TSHZ3: variants seen among roughly 807,000 people sequenced by gnomAD.
The protein encoded by TSHZ3 is teashirt homolog 3.
TSHZ3 carries 10 observed loss-of-function variants against 64.5 expected under a neutral mutation model. The ratio of observed to expected loss-of-function variants is 0.16; its 90% CI spans 0.10 to 0.26. The LOEUF is 0.26. TSHZ3 is among the 10% of genes least tolerant of loss of function. TSHZ3 has a pLI of 1.00. For missense variants in TSHZ3, 1,242 were observed against 1,421.7 expected (o/e 0.87, Z 2.03); for synonymous variants, 608 against 593.1 (o/e 1.03, Z -0.36).
chr19:31,184,509 G>C (rs904371836), intron 5 of TSHZ3, among the ~76,000 whole-genome samples: 3 of 152,130 alleles, frequency 2.0e-5, no homozygotes, highest in South Asian at 4.1e-4. Context: ...AGCCTCATCT[G>C]TCTCCCACCC....
chr19:31,220,158 A>G (rs1975379644), intron 4 of TSHZ3, among the ~76,000 whole-genome samples: 1 of 152,252 alleles, frequency 6.6e-6, no homozygotes. Flanking sequence ...GAGGAACTAT[A>G]ACTATGCCAC....
chr19:31,194,721 A>G (rs1330318265), intron 5 of TSHZ3, among the ~76,000 whole-genome samples: 1 of 152,244 alleles, frequency 6.6e-6, no homozygotes, highest in Non-Finnish European at 1.5e-5. Context: ...GTGCAGATTG[A>G]AGAGACACAG....
At chr19:31,218,536 C>A (rs537048166) in intron 4 of TSHZ3, among the ~76,000 whole-genome samples, 12 of 152,326 alleles carry the variant, frequency 7.9e-5, no homozygotes, top group African/African-American at 2.9e-4. Context: ...TGCCATCCTG[C>A]AGTCTCACTC....
chr19:31,194,483 C>A (rs1974956910), intron 5 of TSHZ3, among the ~76,000 whole-genome samples: 1 of 152,180 alleles, frequency 6.6e-6, no homozygotes, highest in East Asian at 1.9e-4. Context: ...CCTGTCCCAT[C>A]TAAGTGGCAG....
intron 3 of TSHZ3, among the ~76,000 whole-genome samples, chr19:31,232,653 A>T (rs975124191): frequency 6.6e-6 from 1 of 152,248 alleles, no homozygotes; most frequent in African/African-American, 2.4e-5. Flanking sequence ...CCTGAGCAAG[A>T]CATAGAATGT....
At chr19:31,343,276 C>T (rs1435562788) in intron 1 of TSHZ3, among the ~76,000 whole-genome samples, 2 of 152,130 alleles carry the variant, frequency 1.3e-5, no homozygotes, top group African/African-American at 4.8e-5. Flanking sequence ...CTTCAAGAGC[C>T]ACACCTTTGC....
intron 5 of TSHZ3, among the ~76,000 whole-genome samples, chr19:31,201,198 A>G (rs1233687077): frequency 1.3e-5 from 2 of 152,192 alleles, no homozygotes; most frequent in East Asian, 3.9e-4. Flanking sequence ...GGCAAATTGT[A>G]ATCATTTGAT....
chr19:31,263,841 C>A (rs1976014785), intron 1 of TSHZ3, among the ~76,000 whole-genome samples: 1 of 152,148 alleles, frequency 6.6e-6, no homozygotes, highest in South Asian at 2.1e-4. Flanking sequence ...AATTAAATAA[C>A]TAAATAAAAT....
At chr19:31,269,986 C>T (rs553544094), downstream of TSHZ3, among the ~76,000 whole-genome samples, 1 of 152,126 alleles carries the variant, frequency 6.6e-6, no homozygotes, top group African/African-American at 2.4e-5. Context: ...GCACAGGGAC[C>T]GCCTGATTCA....
intron 5 of TSHZ3, among the ~76,000 whole-genome samples, chr19:31,199,033 A>G (rs534388783): frequency 7.2e-5 from 11 of 152,334 alleles, no homozygotes; most frequent in African/African-American, 2.4e-4. Context: ...TAAAACTACA[A>G]TAATCAAGAT....
chr19:31,177,745 C>A (rs1379345954), intron 5 of TSHZ3, among the ~76,000 whole-genome samples: 1 of 152,212 alleles, frequency 6.6e-6, no homozygotes, highest in African/African-American at 2.4e-5. Flanking sequence ...CTGACCACAT[C>A]TAGAATATAA....
intron 1 of TSHZ3, among the ~76,000 whole-genome samples, chr19:31,299,319 T>C (rs1038215061): frequency 2.0e-5 from 3 of 152,016 alleles, no homozygotes; most frequent in Non-Finnish European, 2.9e-5. Flanking sequence ...TCAGCCTCAG[T>C]CTCCCCACTT....
intron 1 of TSHZ3, among the ~76,000 whole-genome samples, chr19:31,291,037 G>A (rs1376328903): frequency 5.9e-5 from 9 of 152,260 alleles, no homozygotes; most frequent in African/African-American, 2.2e-4. Flanking sequence ...GCTGATTGGT[G>A]AATAAAGTCA....
chr19:31,191,830 G>A (rs1428027720), intron 5 of TSHZ3, among the ~76,000 whole-genome samples: 2 of 152,140 alleles, frequency 1.3e-5, no homozygotes, highest in Non-Finnish European at 2.9e-5. Context: ...CTGCACTCCA[G>A]CCTGGGAGAC....
chr19:31,201,904 T>C (rs1975092718), intron 5 of TSHZ3, among the ~76,000 whole-genome samples: 1 of 152,232 alleles, frequency 6.6e-6, no homozygotes, highest in South Asian at 2.1e-4. Flanking sequence ...CAGTGGCTCA[T>C]GCCTGTAATC....
At chr19:31,343,227 T>A (rs1262753336) in intron 1 of TSHZ3, among the ~76,000 whole-genome samples, 2 of 152,190 alleles carry the variant, frequency 1.3e-5, no homozygotes, top group Non-Finnish European at 2.9e-5. Context: ...CAGTATGAAT[T>A]AATAATTTAT....
chr19:31,257,871 C>T (rs1212248638), intron 1 of TSHZ3, among the ~76,000 whole-genome samples: 1 of 152,192 alleles, frequency 6.6e-6, no homozygotes, highest in Non-Finnish European at 1.5e-5. Flanking sequence ...TAAGGAAAAG[C>T]AAAAGCCTTC....
At chr19:31,270,085 G>A (rs1044422305), downstream of TSHZ3, among the ~76,000 whole-genome samples, 5 of 152,218 alleles carry the variant, frequency 3.3e-5, no homozygotes, top group East Asian at 9.6e-4. Context: ...TCCACAGCAG[G>A]GAGAATGATC....
At chr19:31,348,797 G>C (rs2021599357) in intron 1 of TSHZ3, 2 of 209,218 alleles carry the variant, frequency 9.6e-6, no homozygotes, top group Non-Finnish European at 1.9e-5. Flanking sequence ...TCCCCCGGCG[G>C]TCGGCCGCTC....
Sources: allele counts gnomAD v4.1 joint callset (sites outside exome capture counted in the v4.1 genomes callset), GRCh38; gene constraint gnomAD v4.1.1; transcripts MANE v1.5; gene names NCBI Gene and HGNC (gene_info 2026-07-23, HGNC 2026-07-21).